Variants in SORCS3 observed in about 807,000 individuals in gnomAD.
SORCS3 encodes sortilin related VPS10 domain containing receptor 3.
Under a neutral mutation model 146.3 loss-of-function variants are expected in SORCS3, and 57 were observed. The ratio of observed to expected loss-of-function variants is 0.39; its 90% CI spans 0.31 to 0.49. The LOEUF is 0.49. Ranked by LOEUF, SORCS3 falls within the 20% of genes least tolerant of loss-of-function variation. SORCS3 has a pLI of 0.92. For missense variants in SORCS3, 1,341 were observed against 1,575.5 expected, an observed-to-expected ratio of 0.85 and a Z score of 2.52; for synonymous variants, 653 against 618.5, an observed-to-expected ratio of 1.06 and a Z score of -0.83.
chr10:105,031,827 A>T (rs971578639), intron 4 of SORCS3, among the ~76,000 whole-genome samples: 2 of 152,168 alleles, frequency 1.3e-5, no homozygotes, highest in Non-Finnish European at 2.9e-5. Flanking sequence ...CTACCAGCTA[A>T]TCCAAGTTTC....
intron 2 of SORCS3, among the ~76,000 whole-genome samples, chr10:104,880,727 C>T (rs1026850197): frequency 2.6e-5 from 4 of 152,070 alleles, no homozygotes; most frequent in African/African-American, 7.2e-5. Flanking sequence ...TATTAGAAAC[C>T]CTGCTTTCCC....
intron 3 of SORCS3, among the ~76,000 whole-genome samples, chr10:104,921,593 T>A (rs912847069): frequency 6.6e-6 from 1 of 151,894 alleles, no homozygotes; most frequent in African/African-American, 2.4e-5. Flanking sequence ...TCTATTGAGC[T>A]TCTAATAAGT....
intron 11 of SORCS3, among the ~76,000 whole-genome samples, chr10:105,160,439 C>T (rs544036007): frequency 7.9e-5 from 12 of 152,238 alleles, no homozygotes; most frequent in African/African-American, 2.9e-4. Flanking sequence ...CCAGCCTGGA[C>T]AACATGGTGA....
chr10:104,686,771 T>C (rs1190417316), intron 1 of SORCS3, among the ~76,000 whole-genome samples: 2 of 152,094 alleles, frequency 1.3e-5, no homozygotes, highest in Non-Finnish European at 2.9e-5. Context: ...GTGTAGTTGG[T>C]GGTCCCTCTT....
intron 4 of SORCS3, among the ~76,000 whole-genome samples, chr10:105,033,706 T>C (rs778181234): frequency 6.6e-6 from 1 of 152,144 alleles, no homozygotes; most frequent in Non-Finnish European, 1.5e-5. Context: ...TCATTAAATA[T>C]CAAAAAAGAG....
At chr10:104,900,133 T>G (rs893025482) in intron 2 of SORCS3, among the ~76,000 whole-genome samples, 3 of 152,206 alleles carry the variant, frequency 2.0e-5, no homozygotes, top group African/African-American at 7.2e-5. Context: ...AATCCCAGAC[T>G]TGGGCTCTGA....
chr10:104,983,739 ATTC>A (rs2054945397), intron 4 of SORCS3, among the ~76,000 whole-genome samples: 2 of 151,830 alleles, frequency 1.3e-5, no homozygotes, highest in East Asian at 3.9e-4. Context: ...GGACTCAGGA[ATTC>A]TTCTGCTTGT....
chr10:105,033,066 C>T (rs1195288478), intron 4 of SORCS3, among the ~76,000 whole-genome samples: 6 of 152,166 alleles, frequency 3.9e-5, no homozygotes, highest in African/African-American at 1.2e-4. Flanking sequence ...AAAGAATGGA[C>T]TTCAGTAAAT....
chr10:104,816,635 G>A (rs1024237503), intron 1 of SORCS3, among the ~76,000 whole-genome samples: 1 of 152,144 alleles, frequency 6.6e-6, no homozygotes, highest in African/African-American at 2.4e-5. Flanking sequence ...TCAGGGGCTG[G>A]CGTCTGTTCA....
chr10:105,071,844 G>T (rs1359709127), intron 5 of SORCS3, among the ~76,000 whole-genome samples: 1 of 152,210 alleles, frequency 6.6e-6, no homozygotes, highest in Non-Finnish European at 1.5e-5. Context: ...GAAGGCTTAA[G>T]TTTGTGTAAT....
intron 1 of SORCS3, among the ~76,000 whole-genome samples, chr10:104,731,453 C>T (rs898142962): frequency 6.6e-6 from 1 of 152,174 alleles, no homozygotes; most frequent in African/African-American, 2.4e-5. Flanking sequence ...ATCTCTATCC[C>T]AGAAGTCACT....
In SORCS3 at chr10:105,262,410, GAAAACGCCCCC is replaced by G; in HGVS notation, c.3528_3538del (p.Ala1177HisfsTer4). ...GATGATTGGGTCAGTGAGCCAAAGT[GAAAACGCCCCC>G]AAAATCACACTCAGTGACTTTACGG... On this transcript the variant is annotated frameshift_variant, in exon 26 of 27. Coordinates refer to ENST00000369701, the MANE Select transcript of SORCS3 (RefSeq NM_014978.3). LOFTEE classifies it high-confidence loss of function. 6.2e-7 allele frequency: 1 copy of G among 1,614,004 alleles called. No individual in the cohort carries two copies. The highest frequency in any genetic ancestry group is 8.5e-7 in the Non-Finnish European group (1 of 1,179,958).
intron 1 of SORCS3, among the ~76,000 whole-genome samples, chr10:104,821,556 C>T (rs2017873372): frequency 6.6e-6 from 1 of 152,166 alleles, no homozygotes; most frequent in African/African-American, 2.4e-5. Flanking sequence ...CTGTAGAAGA[C>T]CAAAGCATTC....
chr10:105,221,393 T>A (rs1209386725), intron 19 of SORCS3, among the ~76,000 whole-genome samples: 4 of 152,190 alleles, frequency 2.6e-5, no homozygotes, highest in Admixed American at 2.0e-4. Context: ...ATGGCAGTGG[T>A]GGTGGTCGGC....
chr10:105,155,601 G>A (rs1203453630), intron 9 of SORCS3, among the ~76,000 whole-genome samples: 1 of 152,222 alleles, frequency 6.6e-6, no homozygotes, highest in East Asian at 1.9e-4. Flanking sequence ...CACCTTTGCA[G>A]TTGGTTTTAA....
At chr10:105,251,304 A>G (rs12355271) in intron 22 of SORCS3, among the ~76,000 whole-genome samples, 13,439 of 152,204 alleles carry the variant, frequency 0.088, 788 homozygotes, top group Admixed American at 0.16. Flanking sequence ...CACTATCATG[A>G]GAACAGGATG....
At chr10:104,947,091 CA>C (rs1271036600) in intron 3 of SORCS3, among the ~76,000 whole-genome samples, 6 of 152,142 alleles carry the variant, frequency 3.9e-5, no homozygotes, top group Non-Finnish European at 5.9e-5. Context: ...ATGACTTGTA[CA>C]AATCCGCACC....
intron 1 of SORCS3, among the ~76,000 whole-genome samples, chr10:104,711,081 TATTA>T: frequency 1.3e-5 from 2 of 152,358 alleles, no homozygotes; most frequent in Middle Eastern, 6.8e-3. Context: ...TTATTATTGT[TATTA>T]ATTTATTTTT....
intron 9 of SORCS3, among the ~76,000 whole-genome samples, chr10:105,150,821 G>T (rs2119476635): frequency 6.6e-6 from 1 of 152,180 alleles, no homozygotes; most frequent in East Asian, 1.9e-4. Context: ...CAATTTAATT[G>T]GTCTCTAGGG....
Sources: allele counts gnomAD v4.1 joint callset (sites outside exome capture counted in the v4.1 genomes callset), GRCh38; gene constraint gnomAD v4.1.1; transcripts MANE v1.5; gene names NCBI Gene and HGNC (gene_info 2026-07-23, HGNC 2026-07-21).